CLIC5: variants seen among roughly 807,000 people sequenced by gnomAD.
CLIC5 encodes the protein chloride intracellular channel protein 5.
CLIC5 carries 20 observed loss-of-function variants against 24.7 expected under a neutral mutation model. That is an observed-to-expected ratio of 0.81 (90% CI 0.57 to 1.18). CLIC5 has a LOEUF of 1.18. CLIC5 is among the 50% of genes most tolerant of loss of function. The probability of loss-of-function intolerance (pLI) is 0.00; values close to 1 mark genes in which losing one functional copy is unlikely to be tolerated. For synonymous variants in CLIC5, 159 were observed against 135.6 expected (o/e 1.17, Z -1.20); for missense variants, 341 against 326.1 (o/e 1.05, Z -0.35).
At chr6:46,021,968 A>G (rs1767196929) in intron 1 of CLIC5, among the ~76,000 whole-genome samples, 3 of 152,252 alleles carry the variant, frequency 2.0e-5, no homozygotes, top group Non-Finnish European at 2.9e-5. Context: ...CCAAAAAGGT[A>G]AAGCCATCAG....
At position 45,958,435 on chromosome 6, in the gene CLIC5, T is replaced by TATATATATATACACACACACACACACAC. The variant is rs1243202235; in HGVS notation, c.64-3192_64-3191insGTGTGTGTGTGTGTGTGTATATATATAT. ...TCAAAAAGACAATTATATATATATA[T>TATATATATATACACACACACACACACAC]ATATATATATATATATATATATATA... On this transcript the variant is annotated intron_variant, in intron 1 of 5. Coordinates refer to ENST00000339561, the MANE Select transcript of CLIC5 (RefSeq NM_016929.5). Among the ~76,000 whole-genome samples, 6 of 5,610 alleles carry TATATATATATACACACACACACACACAC rather than the reference T, an allele frequency of 1.1e-3. 1 individual carries two copies. The highest frequency in any genetic ancestry group is 5.6e-3 in the Non-Finnish European group (6 of 1,072). The allele number at this position is 5,610 out of a possible 152,430, so 3.7% of individuals were successfully genotyped here.
chr6:46,017,783 T>C (rs1767062029), upstream of CLIC5, among the ~76,000 whole-genome samples: 1 of 152,216 alleles, frequency 6.6e-6, no homozygotes, highest in South Asian at 2.1e-4. Flanking sequence ...AAAGGCACTT[T>C]AGCTGAACCT....
the CLIC5 span, among the ~76,000 whole-genome samples, chr6:46,093,100 C>T: frequency 6.6e-6 from 1 of 152,158 alleles, no homozygotes; most frequent in Non-Finnish European, 1.5e-5. Flanking sequence ...CTGCTCATGA[C>T]CCACATAAGA....
chr6:45,941,607 T>A lies in CLIC5; in HGVS notation c.346A>T (p.Ile116Phe), dbSNP rs756648432. The A allele has an allele frequency of 2.5e-6, 4 of 1,613,942 alleles. No individual in the cohort carries two copies. Among genetic ancestry groups the A allele is most frequent in the Middle Eastern group, 1.7e-4 (1 of 6,054 alleles). ...GCAGAAAACTTGGAAAAGATGTCGA[T>A]GCCCGCTGTGTTGGATTCCCGGTGT... is the stretch of plus-strand genomic sequence containing the variant. ...AKHRESNTAG[I>F]DIFSKFSAYI... Residue 116 changes from isoleucine to phenylalanine, a missense_variant, in exon 4 of 6, where the codon ATC becomes TTC. Transcript: ENST00000339561.
chr6:46,055,090 TC>T (rs1768209443), intron 1 of CLIC5, among the ~76,000 whole-genome samples: 1 of 152,160 alleles, frequency 6.6e-6, no homozygotes, highest in African/African-American at 2.4e-5. Context: ...CATTGTCAGT[TC>T]TTTTCTTTCT....
At chr6:45,889,909 G>C (rs1233198866) in intron 6 of CLIC5, among the ~76,000 whole-genome samples, 4 of 152,224 alleles carry the variant, frequency 2.6e-5, no homozygotes, top group African/African-American at 9.6e-5. Flanking sequence ...AAGTAGACCA[G>C]TTAAGTGAGT....
At chr6:46,031,888 A>G (rs1212509234) in intron 1 of CLIC5, among the ~76,000 whole-genome samples, 1 of 146,934 alleles carries the variant, frequency 6.8e-6, no homozygotes, top group Admixed American at 6.9e-5. Context: ...ATATATATAT[A>G]CACACATATA....
intron 1 of CLIC5, among the ~76,000 whole-genome samples, chr6:46,007,528 C>T (rs1396309876): frequency 2.0e-5 from 3 of 152,180 alleles, no homozygotes; most frequent in African/African-American, 7.2e-5. Context: ...CTCACTTGGC[C>T]TCCTGATGGG....
chr6:45,937,654 C>T (rs1396442838), intron 4 of CLIC5: 2 of 152,180 alleles, frequency 1.3e-5, no homozygotes, highest in Non-Finnish European at 2.9e-5. Flanking sequence ...TAAGCAGTGC[C>T]CTTTAAATAT....
chr6:45,968,631 C>T (rs2033625158), intron 1 of CLIC5, among the ~76,000 whole-genome samples: 1 of 152,184 alleles, frequency 6.6e-6, no homozygotes, highest in Non-Finnish European at 1.5e-5. Context: ...TTTAAAATTA[C>T]TTCAAGGCTG....
intron 1 of CLIC5, among the ~76,000 whole-genome samples, chr6:45,980,910 A>G (rs1425191824): frequency 6.6e-6 from 1 of 152,106 alleles, no homozygotes; most frequent in Non-Finnish European, 1.5e-5. Context: ...AAGCTCAAAG[A>G]TCATTATTTG....
the CLIC5 span, among the ~76,000 whole-genome samples, chr6:46,103,179 T>C: frequency 1.3e-5 from 2 of 152,192 alleles, no homozygotes; most frequent in African/African-American, 4.8e-5. Context: ...GCAAAACTTA[T>C]AATTAAGATC....
At chr6:45,893,259 T>G (rs1440396228) in intron 6 of CLIC5, among the ~76,000 whole-genome samples, 1 of 151,936 alleles carries the variant, frequency 6.6e-6, no homozygotes, top group African/African-American at 2.4e-5. Context: ...AGAATTCCTT[T>G]GAGAATCACT....
In CLIC5 at chr6:45,899,866, G is replaced by T. The variant is rs768134551; in HGVS notation, c.*3222C>A. The T allele has an allele frequency of 6.6e-6, 1 of 152,194 alleles. No homozygotes were observed. The highest frequency in any genetic ancestry group is 1.5e-5 in the Non-Finnish European group (1 of 68,032). 9.4% of individuals were successfully genotyped at this position (152,194 alleles called of 1,614,324 possible). On this transcript the variant is annotated 3_prime_UTR_variant, in exon 6 of 6. Transcript: ENST00000339561. ...CCCAAGATAAAACTAGTTTGGGATCGTGTGGCCAAATAAGCTGATGGACTC... is the reference window on the plus strand; with the variant it reads ...CCCAAGATAAAACTAGTTTGGGATCTTGTGGCCAAATAAGCTGATGGACTC...
At chr6:45,912,613 C>T (rs1762860943) in intron 5 of CLIC5, 9 of 1,476,578 alleles carry the variant, frequency 6.1e-6, no homozygotes, top group Non-Finnish European at 8.2e-6. Context: ...TGATGTGCCT[C>T]AGCTCATGCT....
chr6:45,907,351 C>A (rs191406757), intron 5 of CLIC5, among the ~76,000 whole-genome samples: 45 of 152,196 alleles, frequency 3.0e-4, no homozygotes, highest in African/African-American at 1.1e-3. Context: ...TATGTTGAAC[C>A]AACCATGCAT....
intron 4 of CLIC5, among the ~76,000 whole-genome samples, chr6:45,923,620 C>T (rs1201588042): frequency 6.6e-6 from 1 of 152,190 alleles, no homozygotes; most frequent in Non-Finnish European, 1.5e-5. Context: ...TGCCCCTTTC[C>T]CCACATGGAT....
intron 1 of CLIC5, among the ~76,000 whole-genome samples, chr6:46,063,778 G>A (rs113752133): frequency 0.023 from 3,437 of 152,252 alleles, 137 homozygotes; most frequent in African/African-American, 0.076. Context: ...CAGAGTCCTC[G>A]GAAGGCCATT....
At chr6:45,955,109 C>T in intron 2 of CLIC5, 26 bp downstream of exon 2, 2 of 1,546,164 alleles carry the variant, frequency 1.3e-6, no homozygotes, top group East Asian at 2.2e-5. Context: ...GCTAAACATA[C>T]TCCTCATTTA....
Sources: allele counts gnomAD v4.1 joint callset (sites outside exome capture counted in the v4.1 genomes callset), GRCh38; gene constraint gnomAD v4.1.1; transcripts MANE v1.5; gene names NCBI Gene and HGNC (gene_info 2026-07-23, HGNC 2026-07-21).